AEBP2: variants seen among roughly 807,000 people sequenced by gnomAD.
AEBP2 encodes the protein AE binding protein 2.
AEBP2 carries 10 observed loss-of-function variants against 50.8 expected under a neutral mutation model. The observed-to-expected ratio is 0.20, with a 90% CI of 0.12 to 0.33. AEBP2 has a LOEUF of 0.33. Ranked by LOEUF, AEBP2 falls within the 10% of genes least tolerant of loss-of-function variation. AEBP2 has a pLI of 1.00. For missense variants in AEBP2, 570 were observed against 688.0 expected (o/e 0.83, Z 1.92); for synonymous variants, 296 against 261.3 (o/e 1.13, Z -1.28).
At chr12:19,437,407 G>A (rs138343504), upstream of AEBP2, among the ~76,000 whole-genome samples, 519 of 152,208 alleles carry the variant, frequency 3.4e-3, 7 homozygotes, top group East Asian at 0.032. Flanking sequence ...CCTTATGATG[G>A]GTGAGGAAAG....
chr12:19,503,328 G>GGTGT (rs374431120), intron 5 of AEBP2, among the ~76,000 whole-genome samples: 14 of 145,664 alleles, frequency 9.6e-5, no homozygotes, highest in South Asian at 4.4e-4. Flanking sequence ...TGTATTCCTT[G>GGTGT]GTGTGTGTGT....
At chr12:19,460,699 G>T (rs573130073) in intron 1 of AEBP2, among the ~76,000 whole-genome samples, 24 of 147,526 alleles carry the variant, frequency 1.6e-4, no homozygotes, top group Non-Finnish European at 2.8e-4. Flanking sequence ...CTGTCGCCCA[G>T]GTTGGAGTCC....
At chr12:19,454,144 CCT>C (rs1948218858) in intron 1 of AEBP2, among the ~76,000 whole-genome samples, 1 of 152,154 alleles carries the variant, frequency 6.6e-6, no homozygotes, top group South Asian at 2.1e-4. Flanking sequence ...GCCGCCTCTG[CCT>C]CTCAAAGTGC....
intron 1 of AEBP2, chr12:19,440,848 C>T (rs1395026971): frequency 8.7e-6 from 11 of 1,260,072 alleles, no homozygotes; most frequent in Non-Finnish European, 1.2e-5. Context: ...GAGACCCCAG[C>T]TATCACTTTT....
chr12:19,408,490 G>C (rs1172213025), intron 1 of AEBP2, among the ~76,000 whole-genome samples: 1 of 150,714 alleles, frequency 6.6e-6, no homozygotes, highest in African/African-American at 2.4e-5. Flanking sequence ...TGGAAGTTGC[G>C]GTGAGCCGAG....
At chr12:19,450,859 A>G (rs1306601918) in intron 1 of AEBP2, among the ~76,000 whole-genome samples, 2 of 142,144 alleles carry the variant, frequency 1.4e-5, no homozygotes, top group Non-Finnish European at 3.1e-5. Flanking sequence ...AAAAAGGGTC[A>G]TTTTTTTTTT....
chr12:19,494,815 T>C (rs1948947096), intron 4 of AEBP2, among the ~76,000 whole-genome samples: 2 of 152,200 alleles, frequency 1.3e-5, no homozygotes, highest in East Asian at 3.8e-4. Context: ...ATAAGGCTTG[T>C]AAATGCTGGG....
Position 19,462,412 on chromosome 12 carries a change from G to A in AEBP2, c.672-98G>A, listed in dbSNP as rs1948395475. ...GGTTACTATGCTTTGTTCACATGGA[G>A]CAGAATGTCAAGTGGTAATCTTAAT... is the stretch of plus-strand genomic sequence containing the variant. On this transcript the variant is annotated intron_variant, in intron 1 of 7. Transcript: ENST00000266508. 4 of 996,326 alleles carry A rather than the reference G, an allele frequency of 4.0e-6. No homozygotes were observed. The Middle Eastern group carries it at 6.7e-4, about 168-fold the overall frequency. 61.7% of individuals were successfully genotyped at this position (996,326 alleles called of 1,614,324 possible). A position where few individuals can be genotyped will look rare whatever the true frequency, so the allele number is the denominator to read the frequency against.
intron 2 of AEBP2, among the ~76,000 whole-genome samples, chr12:19,469,545 C>G (rs997549587): frequency 6.6e-6 from 1 of 152,180 alleles, no homozygotes; most frequent in Non-Finnish European, 1.5e-5. Context: ...GCCTCAAACT[C>G]CTGGACTCAA....
At chr12:19,460,924 G>A (rs1235809267) in intron 1 of AEBP2, among the ~76,000 whole-genome samples, 5 of 152,092 alleles carry the variant, frequency 3.3e-5, no homozygotes, top group Non-Finnish European at 4.4e-5. Context: ...AAAGTGCTGC[G>A]ATTACAGGCA....
intron 2 of AEBP2, among the ~76,000 whole-genome samples, chr12:19,468,639 A>G (rs1337550756): frequency 6.6e-6 from 1 of 152,200 alleles, no homozygotes; most frequent in African/African-American, 2.4e-5. Context: ...CCATTCAAAT[A>G]CATTCAGATA....
chr12:19,480,854 T>C (rs1948717208), intron 3 of AEBP2, among the ~76,000 whole-genome samples: 1 of 152,200 alleles, frequency 6.6e-6, no homozygotes, highest in South Asian at 2.1e-4. Flanking sequence ...CCAGGGAAGT[T>C]TTCCTCAGTT....
intron 1 of AEBP2, among the ~76,000 whole-genome samples, chr12:19,428,250 G>C (rs2095749581): frequency 6.6e-6 from 1 of 152,094 alleles, no homozygotes; most frequent in African/African-American, 2.4e-5. Context: ...AAATAAAAGA[G>C]ACAAACTGGA....
At chr12:19,437,493 C>A (rs1947873353), upstream of AEBP2, among the ~76,000 whole-genome samples, 1 of 152,110 alleles carries the variant, frequency 6.6e-6, no homozygotes, top group Non-Finnish European at 1.5e-5. Context: ...CCCACTTCAG[C>A]CTCCTGAGTA....
chr12:19,485,657 T>A (rs991765909), intron 3 of AEBP2, among the ~76,000 whole-genome samples: 2 of 140,328 alleles, frequency 1.4e-5, no homozygotes, highest in African/African-American at 5.4e-5. Context: ...TGCAGTGAGC[T>A]GAGACTGCAC....
At chr12:19,461,701 G>A (rs1285837834) in intron 1 of AEBP2, among the ~76,000 whole-genome samples, 1 of 151,946 alleles carries the variant, frequency 6.6e-6, no homozygotes, top group Non-Finnish European at 1.5e-5. Context: ...AGTAGCAGTG[G>A]GATTTCACCA....
intron 1 of AEBP2, among the ~76,000 whole-genome samples, chr12:19,430,192 T>C (rs2095750705): frequency 6.6e-6 from 1 of 152,224 alleles, no homozygotes; most frequent in African/African-American, 2.4e-5. Flanking sequence ...GCTTTCTACA[T>C]ATGGCTAGCC....
intron 3 of AEBP2, among the ~76,000 whole-genome samples, chr12:19,476,952 A>G (rs1948656665): frequency 6.6e-6 from 1 of 152,074 alleles, no homozygotes; most frequent in Admixed American, 6.6e-5. Flanking sequence ...TGAGCATGGG[A>G]TGTGTTTTCA....
Position 19,440,274 on chromosome 12 carries a change from G to C in AEBP2, c.575G>C (p.Gly192Ala). The C allele has an allele frequency of 6.8e-7, 1 of 1,468,504 alleles. No individual in the cohort carries two copies. The highest frequency in any genetic ancestry group is 1.4e-5 in the South Asian group (1 of 71,850). 91.0% of individuals were successfully genotyped at this position (1,468,504 alleles called of 1,614,324 possible). Residue 192 changes from glycine (G) to alanine (A), a missense_variant, in exon 1 of 8, where the codon GGG becomes GCG. Coordinates refer to ENST00000266508, the MANE Select transcript of AEBP2 (RefSeq NM_153207.5). ...GGCGGCGACGAGGGCTACGGGACTG[G>C]GGGAGGCGGAAGCAGCGCGACCTCC... ...SSGGDEGYGT[G>A]GGGSSATSGG...
Sources: allele counts gnomAD v4.1 joint callset (sites outside exome capture counted in the v4.1 genomes callset), GRCh38; gene constraint gnomAD v4.1.1; transcripts MANE v1.5; gene names NCBI Gene and HGNC (gene_info 2026-07-23, HGNC 2026-07-21).